The following HARBI1 variants were observed in gnomAD, a reference collection of about 807,000 sequenced individuals.
The protein encoded by HARBI1 is putative nuclease HARBI1.
Under a neutral mutation model 25.3 loss-of-function variants are expected in HARBI1, and 15 were observed. That is an observed-to-expected ratio of 0.59 (90% CI 0.40 to 0.91). The LOEUF (loss-of-function observed/expected upper bound fraction) is 0.91, where lower values mean the gene tolerates loss of function less well. Among genes scored for constraint, HARBI1 ranks in the 40% least tolerant of loss-of-function variants. The pLI, the probability that HARBI1 is intolerant of heterozygous loss-of-function variation, is 0.00. For missense variants in HARBI1, 396 were observed against 445.8 expected, an observed-to-expected ratio of 0.89 and a Z score of 1.01; for synonymous variants, 168 against 160.5, an observed-to-expected ratio of 1.05 and a Z score of -0.35.
chr11:46,603,946 A>G, intron 2 of HARBI1, 37 bp from the exon 3 acceptor site: 1 of 1,554,986 alleles, frequency 6.4e-7, no homozygotes, highest in South Asian at 1.2e-5. Flanking sequence ...AAATGACTAT[A>G]AGTGGAATAG....
intron 2 of HARBI1, among the ~76,000 whole-genome samples, chr11:46,610,299 G>A (rs2045125305): frequency 6.6e-6 from 1 of 151,038 alleles, no homozygotes; most frequent in Non-Finnish European, 1.5e-5. Context: ...CAGCGTGGGT[G>A]ACAGAGTGAG....
chr11:46,603,342 A>G lies in HARBI1; in HGVS notation c.*188T>C, dbSNP rs545753876. 2.1e-4 allele frequency: 116 copies of G among 560,548 alleles called. 1 individual carries two copies. In the South Asian group the frequency reaches 2.7e-3, roughly 13 times the overall value. The allele number at this position is 560,548 out of a possible 1,614,324, so 34.7% of individuals were successfully genotyped here. ...CGCTGTCTTGGTTTCAGTTTAATTA[A>G]TGCATATGCAAATGAATCAAGATAT... On this transcript the variant is annotated 3_prime_UTR_variant, in exon 3 of 3. Coordinates refer to ENST00000326737, the MANE Select transcript of HARBI1 (RefSeq NM_173811.4).
chr11:46,614,873 T>C (rs758242281), intron 2 of HARBI1, among the ~76,000 whole-genome samples: 17 of 152,222 alleles, frequency 1.1e-4, no homozygotes, highest in Non-Finnish European at 2.1e-4. Flanking sequence ...GACTCAGCTC[T>C]ACAGACTGCC....
chr11:46,617,125 T>A lies in HARBI1; in HGVS notation c.-146A>T. 2.2e-6 allele frequency: 1 copy of A among 453,654 alleles called. No homozygotes were observed. The highest frequency in any genetic ancestry group is 2.9e-6 in the Non-Finnish European group (1 of 344,290). 28.1% of individuals were successfully genotyped at this position (453,654 alleles called of 1,614,324 possible). On this transcript the variant is annotated splice_region_variant and 5_prime_UTR_variant, in exon 1 of 3. Transcript: ENST00000326737. ...AGTTAGCCCAGGCCCGTCACCCACC[T>A]CTCCGCGGCTGCCAGGTTACCAGCC...
At chr11:46,617,241 C>G (rs2045623203), upstream of HARBI1, 1 of 155,030 alleles carries the variant, frequency 6.5e-6, no homozygotes, top group Non-Finnish European at 1.4e-5. Flanking sequence ...GGCACCGCCC[C>G]TTCCGCGTCA....
chr11:46,611,004 C>CTTTT (rs1308203480), intron 2 of HARBI1, among the ~76,000 whole-genome samples: 18 of 106,970 alleles, frequency 1.7e-4, no homozygotes, highest in East Asian at 5.1e-4. Flanking sequence ...TTATTTAACT[C>CTTTT]TTTTTTTTTT....
intron 2 of HARBI1, among the ~76,000 whole-genome samples, chr11:46,613,594 T>C (rs926221430): frequency 6.7e-6 from 1 of 148,312 alleles, no homozygotes; most frequent in African/African-American, 2.5e-5. Context: ...TCGATTCTCC[T>C]ACCTCAGCCT....
chr11:46,616,441 G>C (rs569655903), intron 1 of HARBI1, 60 bp from the exon 2 acceptor site: 28 of 1,384,994 alleles, frequency 2.0e-5, no homozygotes, highest in Non-Finnish European at 2.6e-5. Flanking sequence ...GTGACTCAAA[G>C]GCTGGAGCAG....
chr11:46,617,602 G>C (rs1461600053), upstream of HARBI1: 3 of 353,438 alleles, frequency 8.5e-6, no homozygotes, highest in African/African-American at 6.7e-5. Flanking sequence ...GCGGCGCCGG[G>C]AAGCGACCGG....
chr11:46,609,034 C>G (rs891017156), intron 2 of HARBI1, among the ~76,000 whole-genome samples: 28 of 152,102 alleles, frequency 1.8e-4, no homozygotes, highest in African/African-American at 6.5e-4. Context: ...AGCGATTCTC[C>G]TGCCTCAGCC....
In HARBI1 at chr11:46,615,798, A is replaced by AC. The variant is rs1254754528; in HGVS notation, c.439dup (p.Val147GlyfsTer3). The AC allele has an allele frequency of 6.2e-7, 1 of 1,613,858 alleles. No individual in the cohort carries two copies. Among genetic ancestry groups the AC allele is most frequent in the Non-Finnish European group, 8.5e-7 (1 of 1,179,962 alleles). ...GATGGCCACATGGATACAGTCAACC[A>AC]CCCCCATCACCCCTGGCATCCCTGC... On this transcript the variant is annotated frameshift_variant, in exon 2 of 3. Transcript: ENST00000326737. LOFTEE classifies it high-confidence loss of function.
At chr11:46,614,145 A>ATT (rs1053978505) in intron 2 of HARBI1, among the ~76,000 whole-genome samples, 79 of 150,822 alleles carry the variant, frequency 5.2e-4, no homozygotes, top group African/African-American at 1.6e-3. Context: ...ATATATATAT[A>ATT]GGCTGGGCAT....
At position 46,615,079 on chromosome 11, in the gene HARBI1, AT is replaced by A. The variant is rs561748482; in HGVS notation, c.670+488del. Among the ~76,000 whole-genome samples, 529 of 149,152 alleles carry A rather than the reference AT, an allele frequency of 3.5e-3. 3 individuals carry two copies. The highest frequency in any genetic ancestry group is 0.013 in the African/African-American group (517 of 40,272). Reference sequence around the variant, plus strand: ...AGGCATGCGCTACTACGCCCGGCTAATTTTGTATTTTTAGTATAGACGGGGT... The same window carrying A: ...AGGCATGCGCTACTACGCCCGGCTAATTTGTATTTTTAGTATAGACGGGGT... On this transcript the variant is annotated intron_variant, in intron 2 of 2. Transcript: ENST00000326737.
chr11:46,615,699 C>A lies in HARBI1; in HGVS notation c.539G>T (p.Cys180Phe), dbSNP rs1159125158. ...GGTCATTAGTGTCCCTCTAATGTCA[C>A]ACACCATCAGGCAGTTTAAAGAATG... is the stretch of plus-strand genomic sequence containing the variant. ...GLHSLNCLMV[C>F]DIRGTLMTVE... Residue 180 changes from cysteine (C) to phenylalanine (F), a missense_variant, in exon 2 of 3, where the codon TGT becomes TTT. By Grantham distance (205) the Cys-to-Phe change is radical. Coordinates refer to ENST00000326737, the MANE Select transcript of HARBI1 (RefSeq NM_173811.4). 1 of 1,614,086 alleles carries A rather than the reference C, an allele frequency of 6.2e-7. No homozygotes were observed. Among genetic ancestry groups the A allele is most frequent in the Non-Finnish European group, 8.5e-7 (1 of 1,180,042 alleles).
At chr11:46,617,570 A>C, upstream of HARBI1, 3 of 115,864 alleles carry the variant, frequency 2.6e-5, no homozygotes, top group Non-Finnish European at 4.8e-5. Flanking sequence ...ACCGAAGCGG[A>C]TGAAAACAAA....
chr11:46,615,995 G>GTT lies in HARBI1; in HGVS notation c.242_243insAA (p.Ser82ThrfsTer20), dbSNP rs1470599623. 1 of 1,614,064 alleles carries GTT rather than the reference G, an allele frequency of 6.2e-7. No homozygotes were observed. Among genetic ancestry groups the GTT allele is most frequent in the Non-Finnish European group, 8.5e-7 (1 of 1,180,050 alleles). ...CCATCCGAGTCTGGAAGGAACCTGA[G>GTT]GTATAAAAACCCAATGCTGCAAGGA... On this transcript the variant is annotated frameshift_variant, in exon 2 of 3. Transcript: ENST00000326737. LOFTEE classifies it high-confidence loss of function.
intron 2 of HARBI1, among the ~76,000 whole-genome samples, chr11:46,606,503 G>A (rs986561750): frequency 9.9e-5 from 15 of 151,394 alleles, no homozygotes; most frequent in African/African-American, 3.2e-4. Context: ...AGTAGAGATG[G>A]GGATTTCACC....
chr11:46,616,667 G>C (rs2045505199), intron 1 of HARBI1: 1 of 1,000,160 alleles, frequency 1.0e-6, no homozygotes. Context: ...AGGTAAAAGA[G>C]GTCGGCTTCT....
chr11:46,609,320 A>G (rs1293225707), intron 2 of HARBI1, among the ~76,000 whole-genome samples: 1 of 151,314 alleles, frequency 6.6e-6, no homozygotes, highest in Non-Finnish European at 1.5e-5. Flanking sequence ...TTGGCCTCCC[A>G]AAGTGCTGGG....
Sources: allele counts gnomAD v4.1 joint callset (sites outside exome capture counted in the v4.1 genomes callset), GRCh38; gene constraint gnomAD v4.1.1; transcripts MANE v1.5; gene names NCBI Gene and HGNC (gene_info 2026-07-23, HGNC 2026-07-21).